HLCS: variants seen among roughly 807,000 people sequenced by gnomAD.
The protein encoded by HLCS is holocarboxylase synthetase.
In HLCS, 53 loss-of-function variants were observed where a neutral mutation model predicts 75.0. The ratio of observed to expected loss-of-function variants is 0.71; its 90% CI spans 0.57 to 0.89. HLCS has a LOEUF of 0.89. Ranked by LOEUF, HLCS falls within the 40% of genes least tolerant of loss-of-function variation. The pLI is 0.00. For missense variants in HLCS, 966 were observed against 1,074.0 expected (o/e 0.90, Z 1.41); for synonymous variants, 431 against 428.6 (o/e 1.01, Z -0.07).
At chr21:36,838,172 G>A (rs887225384) in intron 6 of HLCS, among the ~76,000 whole-genome samples, 1 of 152,056 alleles carries the variant, frequency 6.6e-6, no homozygotes, top group Non-Finnish European at 1.5e-5. Context: ...ACGCTGGGAC[G>A]CAGCCTCCAC....
At chr21:36,900,563 G>T (rs2065196501) in intron 5 of HLCS, among the ~76,000 whole-genome samples, 2 of 152,258 alleles carry the variant, frequency 1.3e-5, no homozygotes, top group South Asian at 2.1e-4. Context: ...GCCCCAGAAG[G>T]TTCTGGGGAA....
chr21:36,756,620 A>G lies in HLCS; in HGVS notation c.2372T>C (p.Leu791Pro). The G allele has an allele frequency of 6.2e-7, 1 of 1,614,198 alleles. No homozygotes were observed. The highest frequency in any genetic ancestry group is 8.5e-7 in the Non-Finnish European group (1 of 1,180,040). ...CTGAAACTCTTTGATCAGTTTCTCCAGCACAGTCACGACTCTGGCGATGAG... is the reference window on the plus strand; with the variant it reads ...CTGAAACTCTTTGATCAGTTTCTCCGGCACAGTCACGACTCTGGCGATGAG... The part of the protein sequence containing the change: ...DYLIARVVTV[L>P]EKLIKEFQDK... Residue 791 changes from leucine (L) to proline (P), a missense_variant, in exon 10 of 11, where the codon CTG becomes CCG. Leu to Pro is a moderately conservative substitution (Grantham distance 98). Coordinates refer to ENST00000674895, the MANE Select transcript of HLCS (RefSeq NM_001352514.2).
At chr21:36,766,101 G>A (rs1416609316) in intron 7 of HLCS, among the ~76,000 whole-genome samples, 2 of 152,134 alleles carry the variant, frequency 1.3e-5, no homozygotes, top group African/African-American at 4.8e-5. Context: ...ATGCAGTGGC[G>A]TGATTACAGC....
chr21:36,949,707 T>C (rs545984121), intron 2 of HLCS, among the ~76,000 whole-genome samples: 1 of 152,214 alleles, frequency 6.6e-6, no homozygotes, highest in East Asian at 1.9e-4. Flanking sequence ...GAATGACATG[T>C]CCCTAAATGG....
intron 5 of HLCS, among the ~76,000 whole-genome samples, chr21:36,907,865 G>A (rs1400934992): frequency 1.2e-4 from 18 of 152,038 alleles, no homozygotes; most frequent in African/African-American, 1.2e-4. Context: ...AGAAAATATC[G>A]GATCGCCAAT....
chr21:36,767,810 T>C (rs1839978539), intron 6 of HLCS, among the ~76,000 whole-genome samples: 1 of 152,218 alleles, frequency 6.6e-6, no homozygotes, highest in Non-Finnish European at 1.5e-5. Context: ...GAACTAATTA[T>C]GATTTAACTA....
intron 2 of HLCS, among the ~76,000 whole-genome samples, chr21:36,954,564 C>A (rs575058555): frequency 6.9e-6 from 1 of 145,280 alleles, no homozygotes; most frequent in African/African-American, 2.6e-5. Flanking sequence ...TGCAGCGAGC[C>A]GAGATGCGCC....
chr21:36,906,448 C>A (rs2065459046), intron 5 of HLCS, among the ~76,000 whole-genome samples: 2 of 152,156 alleles, frequency 1.3e-5, no homozygotes, highest in African/African-American at 4.8e-5. Flanking sequence ...GTGAGAGGAT[C>A]ACTTGAGCCC....
At chr21:36,763,024 CT>C (rs1342547660) in intron 8 of HLCS, among the ~76,000 whole-genome samples, 4 of 152,146 alleles carry the variant, frequency 2.6e-5, no homozygotes, top group Non-Finnish European at 5.9e-5. Flanking sequence ...CATGACAGGA[CT>C]TTCTTTCTTC....
chr21:36,946,839 G>A (rs1163513389), intron 2 of HLCS, among the ~76,000 whole-genome samples: 1 of 152,146 alleles, frequency 6.6e-6, no homozygotes, highest in African/African-American at 2.4e-5. Flanking sequence ...AATTCACCTA[G>A]AGGGTCAGGC....
At chr21:36,940,653 G>A (rs143973712) in intron 2 of HLCS, among the ~76,000 whole-genome samples, 336 of 152,336 alleles carry the variant, frequency 2.2e-3, no homozygotes, top group Non-Finnish European at 3.9e-3. Flanking sequence ...AACCTACAGA[G>A]GAAAGGGGTA....
At chr21:36,835,120 A>G (rs953081567) in intron 6 of HLCS, among the ~76,000 whole-genome samples, 1 of 152,226 alleles carries the variant, frequency 6.6e-6, no homozygotes, top group African/African-American at 2.4e-5. Context: ...AGCCATTTCT[A>G]GCAGAGCAGG....
At chr21:36,938,544 C>T (rs1432643569) in intron 3 of HLCS, among the ~76,000 whole-genome samples, 1 of 152,186 alleles carries the variant, frequency 6.6e-6, no homozygotes, top group African/African-American at 2.4e-5. Flanking sequence ...TTGTCACCCA[C>T]ATGGGAATGC....
chr21:36,839,320 T>C (rs1186475114), intron 6 of HLCS, among the ~76,000 whole-genome samples: 4 of 152,206 alleles, frequency 2.6e-5, no homozygotes, highest in Admixed American at 2.6e-4. Flanking sequence ...CAGAAATGAA[T>C]CTGAAACTGC....
At chr21:36,880,342 T>G (rs2064156381) in intron 6 of HLCS, among the ~76,000 whole-genome samples, 1 of 152,080 alleles carries the variant, frequency 6.6e-6, no homozygotes, top group Admixed American at 6.5e-5. Context: ...GAACAAGATC[T>G]GAAACGAAGC....
Position 36,896,993 on chromosome 21 carries a change from C to T in HLCS, c.1759G>A (p.Val587Met), listed in dbSNP as rs1166869596. 7.4e-6 allele frequency: 12 copies of T among 1,614,042 alleles called. No homozygotes were observed. Among genetic ancestry groups the T allele is most frequent in the Non-Finnish European group, 1.0e-5 (12 of 1,180,052 alleles). The change falls in exon 6 of 11, where the codon GTG becomes ATG. Residue 587 changes from valine to methionine, a missense_variant. Coordinates refer to ENST00000674895, the MANE Select transcript of HLCS (RefSeq NM_001352514.2). ...VEITPSCIPV[V>M]TNMEAFSSEH... is the part of the protein sequence containing the mutation. ...GATGAGAAGGCCTCCATGTTGGTCA[C>T]CACAGGTATACAAGATGGGGTTATT...
intron 5 of HLCS, among the ~76,000 whole-genome samples, chr21:36,905,196 G>A (rs184859742): frequency 9.7e-4 from 147 of 152,174 alleles, no homozygotes; most frequent in Admixed American, 2.2e-3. Flanking sequence ...TGCTCCCAAC[G>A]GTATCCATGG....
intron 4 of HLCS, among the ~76,000 whole-genome samples, chr21:36,935,596 C>A (rs2066844113): frequency 6.6e-6 from 1 of 152,194 alleles, no homozygotes; most frequent in Admixed American, 6.5e-5. Context: ...AAAATATCTA[C>A]ATCTGCGTAG....
intron 6 of HLCS, among the ~76,000 whole-genome samples, chr21:36,862,945 C>CTTT (rs779603490): frequency 1.2e-3 from 175 of 140,018 alleles, no homozygotes; most frequent in African/African-American, 1.9e-3. Context: ...CTCTTTCTCT[C>CTTT]TTTTTTTTTT....
Sources: gnomAD v4.1 joint callset for allele counts (sites outside exome capture counted in the v4.1 genomes callset) on GRCh38, gnomAD v4.1.1 for gene constraint, MANE v1.5 for transcripts, NCBI Gene and HGNC (gene_info 2026-07-23, HGNC 2026-07-21) for gene names.